WFDC11: variants seen among roughly 807,000 people sequenced by gnomAD.
WFDC11 encodes the protein protein WFDC11.
WFDC11 carries 9 observed loss-of-function variants against 9.9 expected under a neutral mutation model. That is an observed-to-expected ratio of 0.91 (90% CI 0.55 to 1.58). The LOEUF (loss-of-function observed/expected upper bound fraction) is 1.58. Ranked by LOEUF, WFDC11 falls within the 40% of genes most tolerant of loss-of-function variation. The pLI is 0.00. For synonymous variants in WFDC11, 32 were observed against 33.3 expected (o/e 0.96, Z 0.13); for missense variants, 106 against 101.7 (o/e 1.04, Z -0.18).
At chr20:45,658,244 T>A (rs1035432834) in intron 2 of WFDC11, among the ~76,000 whole-genome samples, 4 of 152,124 alleles carry the variant, frequency 2.6e-5, no homozygotes, top group African/African-American at 9.7e-5. Flanking sequence ...ATAAGACCTA[T>A]CATCTTAACA....
chr20:45,653,775 G>C (rs1428636417), intron 2 of WFDC11, among the ~76,000 whole-genome samples: 2 of 152,136 alleles, frequency 1.3e-5, no homozygotes, highest in African/African-American at 4.8e-5. Flanking sequence ...GTCAGGGGTT[G>C]CAATCCTAGT....
At chr20:45,655,710 A>G (rs1692289224) in intron 2 of WFDC11, among the ~76,000 whole-genome samples, 2 of 152,250 alleles carry the variant, frequency 1.3e-5, no homozygotes, top group African/African-American at 2.4e-5. Flanking sequence ...AAATCTCCTT[A>G]AGCTGATAAG....
intron 1 of WFDC11, among the ~76,000 whole-genome samples, chr20:45,668,151 G>A (rs1293949701): frequency 6.6e-6 from 1 of 152,126 alleles, no homozygotes; most frequent in Non-Finnish European, 1.5e-5. Flanking sequence ...TCAGAGCCAC[G>A]ATACATCTTG....
chr20:45,649,971 GC>G (rs1325415575), intron 3 of WFDC11, among the ~76,000 whole-genome samples: 1 of 151,928 alleles, frequency 6.6e-6, no homozygotes, highest in Non-Finnish European at 1.5e-5. Context: ...CCCCAAGGTT[GC>G]CCCACTAAGA....
chr20:45,648,831 G>C, intron 4 of WFDC11, 92 bp from the exon 5 acceptor site: 1 of 1,287,266 alleles, frequency 7.8e-7, no homozygotes, highest in Non-Finnish European at 1.1e-6. Context: ...ATGTTCACCA[G>C]ACAATGGGAC....
chr20:45,662,382 C>T (rs147189360), intron 2 of WFDC11, among the ~76,000 whole-genome samples: 2,995 of 152,216 alleles, frequency 0.02, 87 homozygotes, highest in African/African-American at 0.064. Flanking sequence ...AATTTGACTT[C>T]GTCTTTTCCT....
At chr20:45,649,547 T>G in intron 3 of WFDC11, 148 bp from the exon 4 acceptor site, 1 of 924,730 alleles carries the variant, frequency 1.1e-6, no homozygotes, top group South Asian at 1.7e-5. Flanking sequence ...GGGAATTGCC[T>G]TCATGAGCCT....
intron 1 of WFDC11, among the ~76,000 whole-genome samples, chr20:45,668,120 GC>G: frequency 6.6e-6 from 1 of 152,306 alleles, no homozygotes. Flanking sequence ...AGATGGTGAA[GC>G]CCACAGCTTT....
intron 2 of WFDC11, among the ~76,000 whole-genome samples, chr20:45,664,798 A>G (rs1168004795): frequency 1.3e-5 from 2 of 152,176 alleles, no homozygotes; most frequent in Non-Finnish European, 2.9e-5. Context: ...TGTTAGTCTG[A>G]TGGGCTTCCC....
At chr20:45,664,609 C>T (rs534615639) in intron 2 of WFDC11, among the ~76,000 whole-genome samples, 1 of 152,310 alleles carries the variant, frequency 6.6e-6, no homozygotes, top group African/African-American at 2.4e-5. Flanking sequence ...GTAAGACAGG[C>T]CTGGTGGTGA....
At chr20:45,669,743 A>G (rs1269299180) in intron 1 of WFDC11, among the ~76,000 whole-genome samples, 1 of 152,184 alleles carries the variant, frequency 6.6e-6, no homozygotes. Flanking sequence ...CAATTAACCT[A>G]ACATCACACC....
chr20:45,649,292 A>G lies in WFDC11; in HGVS notation c.208T>C (p.Trp70Arg), dbSNP rs930492594. ...RCKDKNYTCC[W>R]TYCGNICWIN... ...CAGCAGATGTTTCCACAATAGGTCC[A>G]GCAGCATGTGTAATTTTTGTCTTTA... The change falls in exon 4 of 5, where the codon TGG (tryptophan) becomes CGG (arginine). Residue 70 changes from tryptophan (W) to arginine (R), a missense_variant. Physicochemically the swap from Trp to Arg is moderately radical, Grantham distance 101 (BLOSUM62 -3). Transcript: ENST00000324384. 1 of 1,614,188 alleles carries G rather than the reference A, an allele frequency of 6.2e-7. No individual in the cohort carries two copies. The highest frequency in any genetic ancestry group is 8.5e-7 in the Non-Finnish European group (1 of 1,180,036).
chr20:45,648,916 C>T (rs918658654), intron 4 of WFDC11, among the ~76,000 whole-genome samples, 177 bp from the exon 5 acceptor site: 1 of 152,262 alleles, frequency 6.6e-6, no homozygotes, highest in South Asian at 2.1e-4. Context: ...AAGGTGGAGA[C>T]TTTGGGCCTG....
chr20:45,657,327 G>A lies in WFDC11; in HGVS notation c.-51-6676C>T, dbSNP rs570235854. On this transcript the variant is annotated intron_variant, in intron 2 of 4. Transcript: ENST00000324384. ...AAACCATCATTCTCAGCAAACTATC[G>A]CAAGGACAAAAAACCAAACACTGCG... Among the ~76,000 whole-genome samples, 70 of 150,998 alleles carry A rather than the reference G, an allele frequency of 4.6e-4. No homozygotes were observed. In the East Asian group the frequency reaches 0.011, roughly 25 times the overall value.
At chr20:45,654,698 G>C (rs1451740236) in intron 2 of WFDC11, among the ~76,000 whole-genome samples, 1 of 152,032 alleles carries the variant, frequency 6.6e-6, no homozygotes, top group Admixed American at 6.5e-5. Flanking sequence ...GACTAATAAA[G>C]AAGCAAAGAG....
At chr20:45,660,537 G>T (rs571354061) in intron 2 of WFDC11, among the ~76,000 whole-genome samples, 2 of 152,152 alleles carry the variant, frequency 1.3e-5, no homozygotes, top group African/African-American at 4.8e-5. Context: ...TTAGCATTAG[G>T]TATATCTCCC....
chr20:45,649,323 A>G lies in WFDC11; in HGVS notation c.177T>C (p.Phe59=), dbSNP rs1277197272. The G allele has an allele frequency of 5.6e-6, 9 of 1,614,178 alleles. No homozygotes were observed. The highest frequency in any genetic ancestry group is 7.6e-6 in the Non-Finnish European group (9 of 1,180,020). ...KECTNKCSKA[F]RCKDKNYTCC... is the part of the protein sequence containing the mutation. ...ATGTGTAATTTTTGTCTTTACATCTAAAGGCTTTAGAACACTTATTGGTAC... is the reference window on the plus strand; with the variant it reads ...ATGTGTAATTTTTGTCTTTACATCTGAAGGCTTTAGAACACTTATTGGTAC... Residue 59 remains phenylalanine, a synonymous_variant, in exon 4 of 5, where the codon TTT becomes TTC. Transcript: ENST00000324384.
rs1983202576 is a variant in WFDC11, at chr20:45,667,119, A to G, written c.-83T>C. ...AGATGTTGGAGTTGGAGGTGCTGAAACCTATTTGACTGGTGGCTCTTCTTC... is the reference window on the plus strand; with the variant it reads ...AGATGTTGGAGTTGGAGGTGCTGAAGCCTATTTGACTGGTGGCTCTTCTTC... On this transcript the variant is annotated 5_prime_UTR_variant, in exon 2 of 5. Coordinates refer to ENST00000324384, the MANE Select transcript of WFDC11 (RefSeq NM_147197.2). The G allele has an allele frequency of 6.6e-6, 1 of 152,102 alleles. No individual in the cohort carries two copies. Among genetic ancestry groups the G allele is most frequent in the South Asian group, 2.1e-4 (1 of 4,820 alleles). The allele number at this position is 152,102 out of a possible 1,614,324, so 9.4% of individuals were successfully genotyped here.
intron 2 of WFDC11, among the ~76,000 whole-genome samples, chr20:45,666,163 G>A (rs917738612): frequency 5.9e-5 from 9 of 152,182 alleles, no homozygotes; most frequent in Non-Finnish European, 1.0e-4. Flanking sequence ...CTGCCACCTC[G>A]CATTTCGATC....
Sources: allele counts gnomAD v4.1 joint callset (sites outside exome capture counted in the v4.1 genomes callset), GRCh38; gene constraint gnomAD v4.1.1; transcripts MANE v1.5; gene names NCBI Gene and HGNC (gene_info 2026-07-23, HGNC 2026-07-21).